The following FARP1 variants were observed in gnomAD, a reference collection of about 807,000 sequenced individuals.
The protein encoded by FARP1 is FERM, ARHGEF and pleckstrin domain-containing protein 1.
In FARP1, 52 loss-of-function variants were observed where a neutral mutation model predicts 128.8. That is an observed-to-expected ratio of 0.40 (90% CI 0.32 to 0.51). The LOEUF is 0.51. Among genes scored for constraint, FARP1 ranks in the 20% least tolerant of loss-of-function variants. The pLI is 0.45. For synonymous variants in FARP1, 580 were observed against 551.8 expected, an observed-to-expected ratio of 1.05 and a Z score of -0.72; for missense variants, 1,333 against 1,367.9, an observed-to-expected ratio of 0.97 and a Z score of 0.40.
At position 98,450,707 on chromosome 13, in the gene FARP1, A is replaced by C. The variant is rs1893146912; in HGVS notation, c.*2390A>C. ...CTACTGGTGACAGTAAACCCGTCTC[A>C]AAGGCTGGGCCTGGCTACAGACCAG... is the stretch of plus-strand genomic sequence containing the variant. On this transcript the variant is annotated 3_prime_UTR_variant, in exon 27 of 27. Coordinates refer to ENST00000319562, the MANE Select transcript of FARP1 (RefSeq NM_005766.4). The C allele has an allele frequency of 6.6e-6, 1 of 152,182 alleles. No homozygotes were observed. The highest frequency in any genetic ancestry group is 2.1e-4 in the South Asian group (1 of 4,834). 9.4% of individuals were successfully genotyped at this position (152,182 alleles called of 1,614,324 possible). A position where few individuals can be genotyped will look rare whatever the true frequency, so the allele number is the denominator to read the frequency against.
chr13:98,290,843 C>G (rs1054424058), intron 2 of FARP1, among the ~76,000 whole-genome samples: 2 of 152,178 alleles, frequency 1.3e-5, no homozygotes, highest in African/African-American at 4.8e-5. Flanking sequence ...GGCCAAGGAG[C>G]TGGCAAAATG....
At chr13:98,197,349 C>T (rs1049887600) in intron 1 of FARP1, among the ~76,000 whole-genome samples, 11 of 151,922 alleles carry the variant, frequency 7.2e-5, no homozygotes, top group African/African-American at 2.7e-4. Context: ...GCCTGTAATC[C>T]CAGCTACTCG....
At chr13:98,175,330 G>A (rs565728375) in intron 1 of FARP1, among the ~76,000 whole-genome samples, 1 of 152,240 alleles carries the variant, frequency 6.6e-6, no homozygotes, top group African/African-American at 2.4e-5. Flanking sequence ...GGGAGAGGAT[G>A]TTAACATCAG....
At chr13:98,165,710 G>GGT in intron 1 of FARP1, among the ~76,000 whole-genome samples, 1 of 74,132 alleles carries the variant, frequency 1.3e-5, no homozygotes, top group Non-Finnish European at 2.4e-5. Flanking sequence ...TCCAGAAGGG[G>GGT]TTTTTTTTTT....
At chr13:98,192,002 G>A (rs9582200) in intron 1 of FARP1, among the ~76,000 whole-genome samples, 96,027 of 151,854 alleles carry the variant, frequency 0.63, 32,599 homozygotes, top group Non-Finnish European at 0.76. Context: ...TTGTAGTCCC[G>A]AAACCCCAGC....
chr13:98,419,975 C>G (rs1323112052), intron 16 of FARP1, among the ~76,000 whole-genome samples: 1 of 152,108 alleles, frequency 6.6e-6, no homozygotes, highest in African/African-American at 2.4e-5. Flanking sequence ...TGCCCTCTTT[C>G]ATGGTTAAGG....
chr13:98,214,651 A>G (rs944759353), intron 2 of FARP1, among the ~76,000 whole-genome samples: 1 of 152,204 alleles, frequency 6.6e-6, no homozygotes, highest in African/African-American at 2.4e-5. Flanking sequence ...GTCTCAGGAA[A>G]AGATAAACTC....
chr13:98,338,386 C>T (rs2139855312), intron 2 of FARP1: 1 of 152,348 alleles, frequency 6.6e-6, no homozygotes, highest in South Asian at 2.1e-4. Context: ...GCTCTAGGCA[C>T]CTCATTGAAG....
chr13:98,418,831 A>G (rs1891484476), intron 16 of FARP1, among the ~76,000 whole-genome samples: 1 of 152,206 alleles, frequency 6.6e-6, no homozygotes, highest in Non-Finnish European at 1.5e-5. Context: ...GATAACAGGA[A>G]TGATACCGGG....
Position 98,176,133 on chromosome 13 carries a change from C to T in FARP1, c.-24+32641C>T, listed in dbSNP as rs768572290. On this transcript the variant is annotated intron_variant, in intron 1 of 26. Transcript: ENST00000319562. The surrounding 1 kb of genome is among the most constrained non-coding windows in gnomAD (Gnocchi z 6.2). ...TCATCTTACTCAACAGGCTGCTTCT[C>T]CCCAGTGTACATACAGACTTGAGTC... 1.9e-6 allele frequency: 3 copies of T among 1,592,284 alleles called. No individual in the cohort carries two copies. The South Asian group carries it at 3.3e-5, about 18-fold the overall frequency.
At chr13:98,448,003 G>A (rs1892961856) in intron 26 of FARP1, 1 of 571,514 alleles carries the variant, frequency 1.7e-6, no homozygotes, top group Non-Finnish European at 3.1e-6. Flanking sequence ...AGCGGGCAGT[G>A]TCACTGCAGC....
At chr13:98,423,709 A>G (rs1036732136) in intron 16 of FARP1, among the ~76,000 whole-genome samples, 5 of 152,184 alleles carry the variant, frequency 3.3e-5, no homozygotes, top group Non-Finnish European at 7.3e-5. Context: ...TCACTATAAC[A>G]TGAGGGTGAT....
chr13:98,306,571 G>T (rs1453372430), intron 2 of FARP1, among the ~76,000 whole-genome samples: 1 of 151,736 alleles, frequency 6.6e-6, no homozygotes, highest in Admixed American at 6.6e-5. Context: ...CTGGAGTGCA[G>T]TCGTGCAATT....
intron 1 of FARP1, among the ~76,000 whole-genome samples, chr13:98,149,605 C>A (rs185360933): frequency 6.7e-6 from 1 of 150,168 alleles, no homozygotes; most frequent in African/African-American, 2.4e-5. Context: ...TCCTTTTAGC[C>A]ATTCCAGTGG....
rs748536606 is a variant in FARP1, at chr13:98,410,745, T to A, written c.1614T>A (p.Thr538=). 9.4e-6 allele frequency: 15 copies of A among 1,596,412 alleles called. No individual in the cohort carries two copies. Among genetic ancestry groups the A allele is most frequent in the Non-Finnish European group, 1.3e-5 (15 of 1,166,672 alleles). Residue 538 remains threonine, a synonymous_variant, in exon 15 of 27, where the codon ACT becomes ACA. Transcript: ENST00000319562. ...GCTGGGTTTTGCAGAGATTCCCAAC[T>A]GATAAAGCGTACTTCATAGCTAAGG... is the stretch of plus-strand genomic sequence containing the variant. ...EDEGRRKRFP[T]DKAYFIAKEV...
At chr13:98,202,422 C>T (rs1880009723) in intron 1 of FARP1, among the ~76,000 whole-genome samples, 1 of 152,238 alleles carries the variant, frequency 6.6e-6, no homozygotes, top group South Asian at 2.1e-4. Context: ...CCTTTGGCTT[C>T]CTGCAGCTCT....
chr13:98,243,041 AG>A (rs1882861626), intron 2 of FARP1, among the ~76,000 whole-genome samples: 1 of 152,170 alleles, frequency 6.6e-6, no homozygotes, highest in South Asian at 2.1e-4. Flanking sequence ...TTATGTCGAA[AG>A]GTTTTACTGT....
intron 5 of FARP1, among the ~76,000 whole-genome samples, chr13:98,370,790 T>C (rs1889293160): frequency 6.6e-6 from 1 of 152,182 alleles, no homozygotes. Context: ...TGCTTTGTGT[T>C]TTCTGAACGT....
Position 98,181,815 on chromosome 13 carries a change from T to G in FARP1, c.-23-31405T>G, listed in dbSNP as rs1379308786. On this transcript the variant is annotated intron_variant, in intron 1 of 26. Transcript: ENST00000319562. ...GGCCAATGATGTTGGTAACATTTTTTGAGCCCTGTCTAGAACTTGCCATGG... is the reference window on the plus strand; with the variant it reads ...GGCCAATGATGTTGGTAACATTTTTGGAGCCCTGTCTAGAACTTGCCATGG... Among the ~76,000 whole-genome samples the G allele has an allele frequency of 2.0e-5, 3 of 152,016 alleles. No homozygotes were observed. In the East Asian group the frequency reaches 5.8e-4, roughly 29 times the overall value.
Sources: allele counts gnomAD v4.1 joint callset (sites outside exome capture counted in the v4.1 genomes callset), GRCh38; gene constraint gnomAD v4.1.1; non-coding constraint Gnocchi (gnomAD v3.1); transcripts MANE v1.5; gene names NCBI Gene and HGNC (gene_info 2026-07-23, HGNC 2026-07-21).